The following PTPRN2 variants were observed in gnomAD, a reference collection of about 807,000 sequenced individuals.
PTPRN2 encodes protein tyrosine phosphatase receptor type N2, also known as receptor-type tyrosine-protein phosphatase N2.
PTPRN2 carries 74 observed loss-of-function variants against 118.8 expected under a neutral mutation model. The observed-to-expected ratio is 0.62, with a 90% confidence interval of 0.52 to 0.76. The LOEUF (loss-of-function observed/expected upper bound fraction) is 0.76. Ranked by LOEUF, PTPRN2 falls within the 30% of genes least tolerant of loss-of-function variation. The pLI is 0.00. For missense variants in PTPRN2, 1,481 were observed against 1,394.4 expected, an observed-to-expected ratio of 1.06 and a Z score of -0.99; for synonymous variants, 641 against 608.0, an observed-to-expected ratio of 1.05 and a Z score of -0.80.
At chr7:157,708,215 G>A (rs776851768) in intron 12 of PTPRN2, among the ~76,000 whole-genome samples, 5 of 152,176 alleles carry the variant, frequency 3.3e-5, no homozygotes, top group Admixed American at 1.3e-4. Context: ...TCTGAGTGTT[G>A]CCTTCCCTTC....
At chr7:157,799,357 A>G (rs1805083769) in intron 12 of PTPRN2, among the ~76,000 whole-genome samples, 1 of 152,076 alleles carries the variant, frequency 6.6e-6, no homozygotes, top group Admixed American at 6.5e-5. Context: ...CCACATCGCC[A>G]TCTCTTGCCG....
At chr7:157,887,757 CTGCT>C in intron 12 of PTPRN2, among the ~76,000 whole-genome samples, 1 of 39,304 alleles carries the variant, frequency 2.5e-5, no homozygotes. Context: ...CCCCCAGTGC[CTGCT>C]CCCCCAGTAC....
intron 12 of PTPRN2, among the ~76,000 whole-genome samples, chr7:157,738,188 G>A (rs1048000692): frequency 1.3e-5 from 2 of 152,206 alleles, no homozygotes; most frequent in Admixed American, 6.5e-5. Context: ...GAATGTGGCC[G>A]TACACAATAA....
intron 17 of PTPRN2, among the ~76,000 whole-genome samples, chr7:157,582,019 A>G (rs1039410195): frequency 6.6e-6 from 1 of 152,218 alleles, no homozygotes; most frequent in Non-Finnish European, 1.5e-5. Context: ...GGCTTCGGAG[A>G]GCGTGGCCCT....
At chr7:157,884,362 T>C (rs1796339183) in intron 12 of PTPRN2, among the ~76,000 whole-genome samples, 1 of 152,256 alleles carries the variant, frequency 6.6e-6, no homozygotes. Flanking sequence ...AAGAGAGATC[T>C]ATGTTTATAA....
intron 2 of PTPRN2, among the ~76,000 whole-genome samples, chr7:158,466,617 C>T (rs1041864247): frequency 1.3e-5 from 2 of 152,188 alleles, no homozygotes; most frequent in African/African-American, 2.4e-5. Flanking sequence ...GTGAATAGTG[C>T]TGCAATGAGC....
intron 9 of PTPRN2, among the ~76,000 whole-genome samples, chr7:158,112,730 C>T (rs569988734): frequency 5.3e-5 from 8 of 151,762 alleles, no homozygotes; most frequent in Admixed American, 3.3e-4. Flanking sequence ...AAGGCCCCAG[C>T]GGGGCATCCA....
chr7:158,329,789 C>A (rs1586287692), intron 2 of PTPRN2, among the ~76,000 whole-genome samples: 1 of 152,174 alleles, frequency 6.6e-6, no homozygotes, highest in Non-Finnish European at 1.5e-5. Context: ...AACCCAAGAT[C>A]TGTCCACATG....
chr7:158,073,897 G>A (rs970246570), intron 11 of PTPRN2, among the ~76,000 whole-genome samples: 3 of 152,166 alleles, frequency 2.0e-5, no homozygotes, highest in South Asian at 2.1e-4. Flanking sequence ...CTGAGGCCTC[G>A]TCCCCCAGGC....
intron 12 of PTPRN2, among the ~76,000 whole-genome samples, chr7:157,823,604 G>A (rs57124426): frequency 0.048 from 7,264 of 152,294 alleles, 298 homozygotes; most frequent in East Asian, 0.21. Context: ...GTTCTGGTTT[G>A]GAAGTTGTGT....
At position 158,358,045 on chromosome 7, in the gene PTPRN2, G is replaced by C. The variant is rs147280361; in HGVS notation, c.164-41113C>G. 9.3e-4 allele frequency among the ~76,000 whole-genome samples: 142 copies of C among 152,304 alleles called. 2 individuals carry two copies. The highest frequency in any genetic ancestry group is 1.8e-3 in the Admixed American group (28 of 15,302). On this transcript the variant is annotated intron_variant, in intron 2 of 22. Coordinates refer to ENST00000389418, the MANE Select transcript of PTPRN2 (RefSeq NM_002847.5). ...TCTCTGGCCCTCCCACAAGGCTTAA[G>C]GTGGCTCCTTAGAATGGAAGGCCCA... is the stretch of plus-strand genomic sequence containing the variant.
chr7:157,542,257 C>G (rs962252887), intron 22 of PTPRN2, among the ~76,000 whole-genome samples: 1 of 152,220 alleles, frequency 6.6e-6, no homozygotes, highest in Non-Finnish European at 1.5e-5. Context: ...GCTAAATACA[C>G]AACAGCCATT....
intron 3 of PTPRN2, among the ~76,000 whole-genome samples, chr7:158,287,479 C>A (rs1187793515): frequency 6.6e-6 from 1 of 152,004 alleles, no homozygotes; most frequent in African/African-American, 2.4e-5. Flanking sequence ...CCTCTTAGAC[C>A]TGCTTCTGCT....
rs559019466 is a variant in PTPRN2, at chr7:158,341,958, G to A, written c.164-25026C>T. Among the ~76,000 whole-genome samples, 40 of 130,550 alleles carry A rather than the reference G, an allele frequency of 3.1e-4. 1 individual carries two copies. The highest frequency in any genetic ancestry group is 8.6e-4 in the African/African-American group (29 of 33,878). 85.6% of individuals were successfully genotyped at this position (130,550 alleles called of 152,430 possible). The stretch of plus-strand genomic sequence containing the variant: ...ATTCTCACCATAAGAGCTGTCGCCC[G>A]CAGACGTCACTCACACCCACACTCT... On this transcript the variant is annotated intron_variant, in intron 2 of 22. Transcript: ENST00000389418.
intron 1 of PTPRN2, among the ~76,000 whole-genome samples, chr7:158,584,583 T>A (rs1828816913): frequency 1.3e-5 from 2 of 152,102 alleles, no homozygotes; most frequent in Admixed American, 6.5e-5. Context: ...GATAATTAAT[T>A]AATGCCATAA....
intron 11 of PTPRN2, among the ~76,000 whole-genome samples, chr7:157,945,869 G>A (rs556528229): frequency 2.9e-4 from 44 of 152,128 alleles, no homozygotes; most frequent in Middle Eastern, 6.8e-3. Flanking sequence ...ATCAGACGAC[G>A]GGTCACCAAC....
In PTPRN2 at chr7:157,861,694, G is replaced by C. The variant is rs975457743; in HGVS notation, c.1788+36979C>G. Among the ~76,000 whole-genome samples, 1 of 152,254 alleles carries C rather than the reference G, an allele frequency of 6.6e-6. No individual in the cohort carries two copies. Among genetic ancestry groups the C allele is most frequent in the Non-Finnish European group, 1.5e-5 (1 of 68,036 alleles). The stretch of plus-strand genomic sequence containing the variant: ...TGCTTGGAGGTGTCTGCAGGGCCTT[G>C]AAGGGGACACCGACCCTTCCTGACT... On this transcript the variant is annotated intron_variant, in intron 12 of 22. Coordinates refer to ENST00000389418, the MANE Select transcript of PTPRN2 (RefSeq NM_002847.5). The surrounding 1 kb of genome is among the most constrained non-coding windows in gnomAD (Gnocchi z 5.8).
chr7:158,307,113 C>T (rs962569521), intron 3 of PTPRN2, among the ~76,000 whole-genome samples: 9 of 151,982 alleles, frequency 5.9e-5, no homozygotes, highest in East Asian at 1.9e-4. Context: ...GTGATCCACC[C>T]GCCTCGGCCT....
intron 11 of PTPRN2, among the ~76,000 whole-genome samples, chr7:158,071,750 G>T (rs895699637): frequency 2.5e-4 from 35 of 140,148 alleles, no homozygotes; most frequent in East Asian, 1.7e-3. Context: ...AGGTGCTCAT[G>T]GTGGAGGTGC....
Sources: gnomAD v4.1 joint callset for allele counts (sites outside exome capture counted in the v4.1 genomes callset) on GRCh38, gnomAD v4.1.1 for gene constraint, Gnocchi (gnomAD v3.1) non-coding constraint, MANE v1.5 for transcripts, NCBI Gene and HGNC (gene_info 2026-07-23, HGNC 2026-07-21) for gene names.